Variants in EYS observed in about 807,000 individuals in gnomAD.
EYS encodes EGF-like photoreceptor maintenance factor.
EYS carries 250 observed loss-of-function variants against 282.1 expected under a neutral mutation model. That is an observed-to-expected ratio of 0.89 (90% CI 0.80 to 0.98). The LOEUF is 0.98. Ranked by LOEUF, EYS falls within the 50% of genes least tolerant of loss-of-function variation. EYS has a pLI of 0.00. For missense variants in EYS, 4,016 were observed against 3,709.0 expected, an observed-to-expected ratio of 1.08 and a Z score of -2.15; for synonymous variants, 1,355 against 1,282.9, an observed-to-expected ratio of 1.06 and a Z score of -1.20.
intron 33 of EYS, among the ~76,000 whole-genome samples, chr6:64,032,011 G>A (rs534977339): frequency 1.3e-5 from 2 of 152,048 alleles, no homozygotes; most frequent in East Asian, 3.9e-4. Flanking sequence ...GGTCCACACT[G>A]CCTTTATGAG....
chr6:65,450,936 A>T (rs905397631), intron 5 of EYS, among the ~76,000 whole-genome samples: 2 of 152,086 alleles, frequency 1.3e-5, no homozygotes, highest in African/African-American at 2.4e-5. Context: ...TTTTATTCAC[A>T]CATAATTTAT....
intron 14 of EYS, among the ~76,000 whole-genome samples, chr6:64,987,219 G>T (rs1189683618): frequency 6.6e-6 from 1 of 151,470 alleles, no homozygotes; most frequent in African/African-American, 2.4e-5. Context: ...GGAATCATCA[G>T]GTTCTTGCTA....
At chr6:65,618,972 G>A (rs1188370988) in intron 2 of EYS, among the ~76,000 whole-genome samples, 1 of 152,162 alleles carries the variant, frequency 6.6e-6, no homozygotes, top group East Asian at 1.9e-4. Context: ...AGTATAGTTT[G>A]AAGTCAGGTA....
intron 22 of EYS, among the ~76,000 whole-genome samples, chr6:64,654,065 C>A (rs1399656799): frequency 6.6e-6 from 1 of 152,100 alleles, no homozygotes; most frequent in Non-Finnish European, 1.5e-5. Flanking sequence ...TCAGTCTCTT[C>A]ATATTTACCT....
intron 29 of EYS, among the ~76,000 whole-genome samples, chr6:64,374,412 G>A (rs763909457): frequency 3.4e-4 from 52 of 151,446 alleles, no homozygotes; most frequent in Admixed American, 1.6e-3. Context: ...AAGGCTGGTG[G>A]GTGTGGGGTG....
chr6:63,937,640 C>T (rs1003566304), intron 35 of EYS, among the ~76,000 whole-genome samples: 9 of 151,932 alleles, frequency 5.9e-5, no homozygotes, highest in African/African-American at 2.2e-4. Flanking sequence ...CTCGGCCTCC[C>T]AAAGGGCTGG....
At chr6:64,804,948 C>T (rs894823127) in intron 22 of EYS, among the ~76,000 whole-genome samples, 8 of 152,128 alleles carry the variant, frequency 5.3e-5, no homozygotes, top group African/African-American at 1.9e-4. Context: ...ACAGGTACAG[C>T]TATGATTTCT....
At chr6:64,961,649 C>T (rs1479945817) in intron 14 of EYS, among the ~76,000 whole-genome samples, 2 of 151,958 alleles carry the variant, frequency 1.3e-5, no homozygotes, top group Admixed American at 1.3e-4. Flanking sequence ...TGGAATAAGT[C>T]CAGAGGGAAT....
At chr6:63,989,650 T>G (rs975704260) in intron 34 of EYS, among the ~76,000 whole-genome samples, 1 of 151,552 alleles carries the variant, frequency 6.6e-6, no homozygotes, top group Admixed American at 6.6e-5. Flanking sequence ...TTATACACTT[T>G]TTTTTACAAA....
intron 11 of EYS, among the ~76,000 whole-genome samples, chr6:65,307,501 G>C (rs1235815762): frequency 2.7e-5 from 4 of 149,064 alleles, no homozygotes; most frequent in Admixed American, 6.8e-5. Context: ...TTACAGCAGA[G>C]AGACAGATTT....
chr6:63,895,913 T>C (rs1463460776), intron 35 of EYS, among the ~76,000 whole-genome samples: 2 of 5,082 alleles, frequency 3.9e-4, no homozygotes, highest in Non-Finnish European at 1.6e-3. Flanking sequence ...TTGTTTTTTT[T>C]TTTTTTTTTT....
chr6:64,479,272 C>G (rs1346089947), intron 26 of EYS, among the ~76,000 whole-genome samples: 2 of 151,940 alleles, frequency 1.3e-5, no homozygotes, highest in South Asian at 2.1e-4. Flanking sequence ...CAGTCCTCTC[C>G]TAGGATTCTT....
At chr6:64,307,124 T>G (rs910623286) in intron 29 of EYS, 42 bp from the exon 30 acceptor site, 3 of 1,007,950 alleles carry the variant, frequency 3.0e-6, no homozygotes, top group Non-Finnish European at 4.5e-6. Context: ...ATAATTTAAA[T>G]GATTTTCTTG....
intron 12 of EYS, among the ~76,000 whole-genome samples, chr6:65,268,756 A>T (rs547716738): frequency 6.6e-6 from 1 of 152,158 alleles, no homozygotes; most frequent in Admixed American, 6.6e-5. Context: ...GCTAGAACTA[A>T]ACGCAAGAGG....
chr6:64,041,058 G>C (rs928047404), intron 33 of EYS, among the ~76,000 whole-genome samples: 5 of 152,102 alleles, frequency 3.3e-5, no homozygotes, highest in African/African-American at 1.2e-4. Context: ...ACTAAGCATG[G>C]GTAGTGTGTT....
chr6:65,162,830 A>G (rs928399753), intron 12 of EYS, among the ~76,000 whole-genome samples: 2 of 150,978 alleles, frequency 1.3e-5, no homozygotes, highest in Non-Finnish European at 3.0e-5. Flanking sequence ...TTGTTTTGTG[A>G]CAATCTCCAT....
intron 30 of EYS, among the ~76,000 whole-genome samples, chr6:64,232,290 A>G (rs1314080417): frequency 6.6e-6 from 1 of 152,058 alleles, no homozygotes; most frequent in African/African-American, 2.4e-5. Context: ...ATTCCTAACG[A>G]TGCTTGATCT....
intron 11 of EYS, among the ~76,000 whole-genome samples, chr6:65,298,074 A>C (rs1202464444): frequency 6.6e-6 from 1 of 152,062 alleles, no homozygotes; most frequent in Non-Finnish European, 1.5e-5. Flanking sequence ...GTTCCTTCCT[A>C]AATGAACAGG....
chr6:64,038,414 T>C (rs1266659050), intron 33 of EYS, among the ~76,000 whole-genome samples: 1 of 152,154 alleles, frequency 6.6e-6, no homozygotes, highest in Non-Finnish European at 1.5e-5. Flanking sequence ...CAAGACATCA[T>C]GTTGTACATG....
Sources: gnomAD v4.1 joint callset for allele counts (sites outside exome capture counted in the v4.1 genomes callset) on GRCh38, gnomAD v4.1.1 for gene constraint, MANE v1.5 for transcripts, NCBI Gene and HGNC (gene_info 2026-07-23, HGNC 2026-07-21) for gene names.